Variants in AZIN1 observed in about 807,000 individuals in gnomAD.
AZIN1 encodes the protein ornithine decarboxylase antizyme inhibitor.
In AZIN1, 12 loss-of-function variants were observed where a neutral mutation model predicts 47.4. The observed-to-expected ratio is 0.25, with a 90% CI of 0.16 to 0.41. The LOEUF is 0.41. Ranked by LOEUF, AZIN1 falls within the 10% of genes least tolerant of loss-of-function variation. AZIN1 has a pLI of 1.00. For synonymous variants in AZIN1, 155 were observed against 176.3 expected (o/e 0.88, Z 0.96); for missense variants, 410 against 532.4 (o/e 0.77, Z 2.26).
intron 3 of AZIN1, 52 bp downstream of exon 3, chr8:102,843,499 C>T (rs934432097): frequency 4.0e-6 from 6 of 1,485,998 alleles, no homozygotes; most frequent in African/African-American, 1.4e-5. Context: ...AAAAAGCACT[C>T]GTTTCAGAGC....
chr8:102,831,854 T>G (rs117434728), intron 9 of AZIN1, among the ~76,000 whole-genome samples: 1 of 151,036 alleles, frequency 6.6e-6, no homozygotes, highest in South Asian at 2.1e-4. Flanking sequence ...ATGCAAGAGG[T>G]TGAAGGTAGG....
intron 1 of AZIN1, among the ~76,000 whole-genome samples, chr8:102,861,255 G>A (rs1256647804): frequency 6.6e-6 from 1 of 151,904 alleles, no homozygotes; most frequent in Non-Finnish European, 1.5e-5. Flanking sequence ...ATGAAGTCCC[G>A]CTGCTCTTGT....
intron 11 of AZIN1, among the ~76,000 whole-genome samples, chr8:102,829,068 T>A (rs1024401103): frequency 6.6e-6 from 1 of 152,238 alleles, no homozygotes; most frequent in African/African-American, 2.4e-5. Context: ...CCACATGGCC[T>A]AGATTATGTA....
At chr8:102,852,521 G>A (rs755182433) in intron 2 of AZIN1, among the ~76,000 whole-genome samples, 6 of 152,290 alleles carry the variant, frequency 3.9e-5, no homozygotes, top group Admixed American at 6.5e-5. Flanking sequence ...GTTGCAGTGA[G>A]ACTGAACCAC....
chr8:102,834,699 A>T lies in AZIN1; in HGVS notation c.633T>A (p.Ala211=), dbSNP rs145454106. The change falls in exon 7 of 12, where the codon GCT becomes GCA. Residue 211 remains alanine (A), a synonymous_variant. Transcript: ENST00000337198. The stretch of plus-strand genomic sequence containing the variant: ...CAAACACACATCGAGCATCAGATAG[A>T]GCATGTACATATACTTGAGATTCTT... ...ACKESQVYVH[A]LSDARCVFDM... is the part of the protein sequence containing the mutation. The T allele has an allele frequency of 6.2e-7, 1 of 1,612,142 alleles. No homozygotes were observed. Among genetic ancestry groups the T allele is most frequent in the Non-Finnish European group, 8.5e-7 (1 of 1,178,734 alleles).
chr8:102,842,565 G>A (rs1812270797), intron 3 of AZIN1, among the ~76,000 whole-genome samples: 1 of 152,052 alleles, frequency 6.6e-6, no homozygotes, highest in Non-Finnish European at 1.5e-5. Flanking sequence ...AAATTAGCTG[G>A]GCATGGTGGC....
At chr8:102,855,745 T>A (rs1380496010) in intron 2 of AZIN1, 3 of 152,232 alleles carry the variant, frequency 2.0e-5, no homozygotes, top group East Asian at 3.8e-4. Context: ...ATATTGTTGA[T>A]CTACAGAAAA....
chr8:102,842,725 CA>C (rs1316488262), intron 3 of AZIN1, among the ~76,000 whole-genome samples: 4 of 147,892 alleles, frequency 2.7e-5, no homozygotes, highest in East Asian at 4.0e-4. Context: ...AAACAAAAAA[CA>C]AAAAACAAAA....
At chr8:102,834,088 G>A (rs1290340856) in intron 8 of AZIN1, 101 bp downstream of exon 8, 1 of 885,896 alleles carries the variant, frequency 1.1e-6, no homozygotes, top group African/African-American at 1.7e-5. Context: ...GATGTTATAG[G>A]GTTTAGTTTC....
chr8:102,838,604 C>A, intron 5 of AZIN1, 140 bp downstream of exon 5: 1 of 604,424 alleles, frequency 1.7e-6, no homozygotes, highest in Non-Finnish European at 2.7e-6. Flanking sequence ...CTAGTGTTTC[C>A]CACAGAGGCC....
chr8:102,839,891 G>T, intron 3 of AZIN1, 68 bp from the exon 4 acceptor site: 1 of 1,143,822 alleles, frequency 8.7e-7, no homozygotes, highest in South Asian at 1.7e-5. Flanking sequence ...ATCAAAACAG[G>T]AAAGAACACC....
rs375544784 is a variant in AZIN1, at chr8:102,828,555, G to C, written c.*12C>G. 8 of 1,570,164 alleles carry C rather than the reference G, an allele frequency of 5.1e-6. No homozygotes were observed. Among genetic ancestry groups the C allele is most frequent in the Non-Finnish European group, 7.0e-6 (8 of 1,143,520 alleles). On this transcript the variant is annotated 3_prime_UTR_variant, in exon 12 of 12. Transcript: ENST00000337198. Reference sequence around the variant, plus strand: ...CCTGCAACTTCAGATCTAAAGAAGCGTTAATGCCTGTTTAAGCTTCAGCGG... The same window carrying C: ...CCTGCAACTTCAGATCTAAAGAAGCCTTAATGCCTGTTTAAGCTTCAGCGG...
At chr8:102,857,742 C>G (rs1053288155) in intron 2 of AZIN1, among the ~76,000 whole-genome samples, 5 of 151,882 alleles carry the variant, frequency 3.3e-5, no homozygotes, top group Admixed American at 3.3e-4. Flanking sequence ...ATAAACTATA[C>G]CTTATTTCCC....
At chr8:102,863,678 G>C in intron 1 of AZIN1, 129 bp downstream of exon 1, 1 of 150,612 alleles carries the variant, frequency 6.6e-6, no homozygotes, top group Non-Finnish European at 1.5e-5. Flanking sequence ...CGCCATGTTC[G>C]AGGCGGCCGG....
At chr8:102,833,284 T>C (rs1811589401) in intron 8 of AZIN1, 66 bp from the exon 9 acceptor site, 3 of 1,461,900 alleles carry the variant, frequency 2.1e-6, no homozygotes, top group Non-Finnish European at 1.9e-6. Context: ...TATTCAGAGA[T>C]TGATATTAAC....
At position 102,858,148 on chromosome 8, in the gene AZIN1, G is replaced by A. The variant is rs1162211915; in HGVS notation, c.-231C>T. 3 of 398,694 alleles carry A rather than the reference G, an allele frequency of 7.5e-6. No individual in the cohort carries two copies. Among genetic ancestry groups the A allele is most frequent in the African/African-American group, 2.1e-5 (1 of 48,572 alleles). 24.7% of individuals were successfully genotyped at this position (398,694 alleles called of 1,614,324 possible). ...AGTTGTATACTTGGTCAGAAAGTTC[G>A]CCCTAAAAGAAGGAAATAAAAGTAG... On this transcript the variant is annotated splice_region_variant and 5_prime_UTR_variant, in exon 2 of 12. Coordinates refer to ENST00000337198, the MANE Select transcript of AZIN1 (RefSeq NM_148174.4).
intron 1 of AZIN1, among the ~76,000 whole-genome samples, chr8:102,860,612 C>T (rs1367034350): frequency 1.3e-5 from 2 of 152,076 alleles, no homozygotes; most frequent in Admixed American, 1.3e-4. Context: ...GCCTTGAATT[C>T]CTGAGCTCAA....
At chr8:102,830,024 T>G (rs780085012) in intron 9 of AZIN1, 88 bp from the exon 10 acceptor site, 75 of 905,572 alleles carry the variant, frequency 8.3e-5, no homozygotes, top group Non-Finnish European at 1.2e-4. Flanking sequence ...TTTCTCAAAC[T>G]ATTTAAACTT....
At chr8:102,850,867 G>A (rs1210904766) in intron 2 of AZIN1, among the ~76,000 whole-genome samples, 1 of 151,968 alleles carries the variant, frequency 6.6e-6, no homozygotes, top group Non-Finnish European at 1.5e-5. Flanking sequence ...AATATATAAG[G>A]GGGCAAAAAA....
Sources: gnomAD v4.1 joint callset for allele counts (sites outside exome capture counted in the v4.1 genomes callset) on GRCh38, gnomAD v4.1.1 for gene constraint, MANE v1.5 for transcripts, NCBI Gene and HGNC (gene_info 2026-07-23, HGNC 2026-07-21) for gene names.